RTN4: variants seen among roughly 807,000 people sequenced by gnomAD.
The protein encoded by RTN4 is reticulon-4.
A neutral mutation model predicts 90.4 loss-of-function variants in RTN4; 32 were observed. That is an observed-to-expected ratio of 0.35 (90% confidence interval 0.27 to 0.48). The LOEUF (loss-of-function observed/expected upper bound fraction) is 0.48. RTN4 is among the 20% of genes least tolerant of loss of function. The pLI is 0.99. For missense variants in RTN4, 1,706 were observed against 1,430.2 expected (o/e 1.19, Z -3.11); for synonymous variants, 629 against 552.5 (o/e 1.14, Z -1.94).
At position 55,027,496 on chromosome 2, in the gene RTN4, G is replaced by T; in HGVS notation, c.614-11C>A. The T allele has an allele frequency of 6.3e-7, 1 of 1,579,656 alleles. No individual in the cohort carries two copies. The highest frequency in any genetic ancestry group is 1.2e-5 in the South Asian group (1 of 85,592). ...TCAAGTCCATATTTTCTGTGACCATGGACAGAAAGGAAAGTTAGAGAATGC... is the reference window on the plus strand; with the variant it reads ...TCAAGTCCATATTTTCTGTGACCATTGACAGAAAGGAAAGTTAGAGAATGC... On this transcript the variant is annotated splice_polypyrimidine_tract_variant and intron_variant, in intron 2 of 8. Transcript: ENST00000337526.
At chr2:55,078,769 G>A (rs1404284629) in intron 2 of RTN4, among the ~76,000 whole-genome samples, 2 of 152,166 alleles carry the variant, frequency 1.3e-5, no homozygotes, top group African/African-American at 4.8e-5. Context: ...TTGGGATCAT[G>A]GAAAGACGGA....
At chr2:54,989,350 T>C (rs900619398) in intron 3 of RTN4, among the ~76,000 whole-genome samples, 1 of 152,246 alleles carries the variant, frequency 6.6e-6, no homozygotes, top group African/African-American at 2.4e-5. Context: ...TGATTTCAAC[T>C]ATTTATTCAA....
In RTN4 at chr2:54,982,450, T is replaced by C. The variant is rs758608561; in HGVS notation, c.3360+65A>G. ...TACTTGAATATAGAAGAACAGAATT[T>C]TACACTCAACTCTCTTGATACTAAA... is the stretch of plus-strand genomic sequence containing the variant. On this transcript the variant is annotated intron_variant, in intron 5 of 8. Transcript: ENST00000337526. 39 of 1,402,840 alleles carry C rather than the reference T, an allele frequency of 2.8e-5. 1 individual carries two copies. The highest frequency in any genetic ancestry group is 3.5e-5 in the Non-Finnish European group (36 of 1,022,904). 86.9% of individuals were successfully genotyped at this position (1,402,840 alleles called of 1,614,324 possible). A position where few individuals can be genotyped will look rare whatever the true frequency, so the allele number is the denominator to read the frequency against.
Position 54,973,133 on chromosome 2 carries a change from C to G in RTN4, c.*23G>C, listed in dbSNP as rs373176090. The G allele has an allele frequency of 6.3e-7, 1 of 1,594,564 alleles. No homozygotes were observed. The highest frequency in any genetic ancestry group is 1.3e-5 in the African/African-American group (1 of 74,738). The stretch of plus-strand genomic sequence containing the variant: ...TGAATATCCCCTTTAAAGATGAACT[C>G]CTACTAATTATTTTGGGCGTTTTCA... On this transcript the variant is annotated 3_prime_UTR_variant, in exon 9 of 9. Transcript: ENST00000337526.
At chr2:55,028,918 G>A (rs1484497054) in intron 1 of RTN4, among the ~76,000 whole-genome samples, 1 of 152,134 alleles carries the variant, frequency 6.6e-6, no homozygotes, top group Non-Finnish European at 1.5e-5. Flanking sequence ...TTCAATTCCA[G>A]AGCCCATTTC....
chr2:55,132,832 G>A, the RTN4 span, among the ~76,000 whole-genome samples: 2 of 129,506 alleles, frequency 1.5e-5, no homozygotes, highest in Non-Finnish European at 3.4e-5. Context: ...AAAAAAAATT[G>A]AAAATTAAAA....
At chr2:55,017,400 A>G (rs1681120219) in intron 3 of RTN4, among the ~76,000 whole-genome samples, 1 of 152,188 alleles carries the variant, frequency 6.6e-6, no homozygotes, top group African/African-American at 2.4e-5. Flanking sequence ...ATTTACCTAG[A>G]CAAACAAGCC....
In RTN4 at chr2:54,983,135, T is replaced by C. The variant is rs111701272; in HGVS notation, c.3222-482A>G. Among the ~76,000 whole-genome samples the C allele has an allele frequency of 2.8e-3, 419 of 151,928 alleles. 4 individuals are homozygous for C. The highest frequency in any genetic ancestry group is 9.6e-3 in the African/African-American group (397 of 41,418). ...TTTTCCTAACAAAGATCTTTTTCAT[T>C]TCCAAATCCTAAACTCTCTCAGACT... On this transcript the variant is annotated intron_variant, in intron 4 of 8. Coordinates refer to ENST00000337526, the MANE Select transcript of RTN4 (RefSeq NM_020532.5).
intron 1 of RTN4, among the ~76,000 whole-genome samples, chr2:55,036,861 A>G (rs1473936899): frequency 1.3e-5 from 2 of 152,174 alleles, no homozygotes; most frequent in Non-Finnish European, 2.9e-5. Context: ...TAAAGGTGAA[A>G]GACTAATGCA....
chr2:55,081,401 C>A (rs369745539), intron 1 of RTN4, among the ~76,000 whole-genome samples: 1 of 152,050 alleles, frequency 6.6e-6, no homozygotes, highest in African/African-American at 2.4e-5. Flanking sequence ...AGCTACTACA[C>A]ACCAGAAAAT....
intron 2 of RTN4, among the ~76,000 whole-genome samples, chr2:55,063,603 C>G (rs747618483): frequency 2.6e-5 from 4 of 151,840 alleles, no homozygotes; most frequent in Non-Finnish European, 5.9e-5. Context: ...ATTCTGGGCC[C>G]GACGCAGTGG....
At chr2:55,001,328 T>C (rs1333192400) in intron 3 of RTN4, among the ~76,000 whole-genome samples, 7 of 152,186 alleles carry the variant, frequency 4.6e-5, no homozygotes, top group Admixed American at 3.9e-4. Flanking sequence ...CCACATAACA[T>C]GAACTAAAAG....
chr2:55,101,535 T>C lies in RTN4; in HGVS notation c.-214+10985A>G, dbSNP rs960419101. Among the ~76,000 whole-genome samples, 8 of 152,246 alleles carry C rather than the reference T, an allele frequency of 5.3e-5. No individual in the cohort carries two copies. The South Asian group carries it at 1.4e-3, about 28-fold the overall frequency. On this transcript the variant is annotated intron_variant, in intron 1 of 3. Transcript: ENST00000427710. ...ATGATTTGGTGTATATTTTTATATA[T>C]ATGCAAAACCAAATGGAATTTAAAA...
intron 3 of RTN4, among the ~76,000 whole-genome samples, chr2:55,009,460 G>C (rs1431288363): frequency 3.3e-5 from 5 of 152,072 alleles, no homozygotes; most frequent in Admixed American, 6.6e-5. Context: ...CAAGGGGGAG[G>C]AAAAGGGATC....
intron 3 of RTN4, among the ~76,000 whole-genome samples, chr2:55,000,027 A>AC (rs1679740055): frequency 6.6e-6 from 1 of 152,102 alleles, no homozygotes; most frequent in East Asian, 1.9e-4. Context: ...AATAATACCC[A>AC]CCCCTAAGAA....
At chr2:54,986,500 T>C (rs1678573824) in intron 4 of RTN4, among the ~76,000 whole-genome samples, 1 of 152,350 alleles carries the variant, frequency 6.6e-6, no homozygotes. Flanking sequence ...CATTTGGCCA[T>C]GGCCTTGCTT....
In RTN4 at chr2:54,972,881, T is replaced by C. The variant is rs536282347; in HGVS notation, c.*275A>G. ...TCTGCAACAAAGTAAAATATACAGG[T>C]TTTTTATTCCACCAGTGCCTCAGAT... On this transcript the variant is annotated 3_prime_UTR_variant, in exon 9 of 9. Coordinates refer to ENST00000337526, the MANE Select transcript of RTN4 (RefSeq NM_020532.5). 7.2e-5 allele frequency: 23 copies of C among 317,556 alleles called. No individual in the cohort carries two copies. The highest frequency in any genetic ancestry group is 4.8e-4 in the African/African-American group (21 of 43,642). 19.7% of individuals were successfully genotyped at this position (317,556 alleles called of 1,614,324 possible).
chr2:54,973,369 C>T (rs1677297578), intron 8 of RTN4, 171 bp from the exon 9 acceptor site: 1 of 755,620 alleles, frequency 1.3e-6, no homozygotes, highest in Non-Finnish European at 2.2e-6. Context: ...TAGATTTAAA[C>T]AAAGCCTTAA....
At chr2:55,004,270 A>G (rs1258963785) in intron 3 of RTN4, among the ~76,000 whole-genome samples, 2 of 152,212 alleles carry the variant, frequency 1.3e-5, no homozygotes, top group African/African-American at 4.8e-5. Context: ...ACTATGCACA[A>G]ATAAAATATC....
Sources: allele counts gnomAD v4.1 joint callset (sites outside exome capture counted in the v4.1 genomes callset), GRCh38; gene constraint gnomAD v4.1.1; transcripts MANE v1.5; gene names NCBI Gene and HGNC (gene_info 2026-07-23, HGNC 2026-07-21).